Variants in NEK9 observed in about 807,000 individuals in gnomAD.
NEK9 encodes the protein NIMA related kinase 9, also known as serine/threonine-protein kinase Nek9.
NEK9 carries 75 observed loss-of-function variants against 123.4 expected under a neutral mutation model. The ratio of observed to expected loss-of-function variants is 0.61; its 90% confidence interval spans 0.50 to 0.74. The LOEUF (loss-of-function observed/expected upper bound fraction) is 0.74, where lower values mean the gene tolerates loss of function less well. Among genes scored for constraint, NEK9 ranks in the 30% least tolerant of loss-of-function variants. The probability of loss-of-function intolerance (pLI) is 0.00; values close to 1 mark genes in which losing one functional copy is unlikely to be tolerated. For missense variants in NEK9, 952 were observed against 1,214.4 expected (o/e 0.78, Z 3.21); for synonymous variants, 438 against 458.7 (o/e 0.95, Z 0.58).
Position 75,084,647 on chromosome 14 carries a change from C to G in NEK9, c.2857G>C (p.Glu953Gln), listed in dbSNP as rs1415661257. The G allele has an allele frequency of 1.2e-6, 2 of 1,614,186 alleles. No homozygotes were observed. Among genetic ancestry groups the G allele is most frequent in the South Asian group, 1.1e-5 (1 of 91,084 alleles). The change falls in exon 22 of 22, where the codon GAG becomes CAG. Residue 953 changes from glutamate to glutamine, a missense_variant. Transcript: ENST00000238616. ...TCAGGCTTTGGATCCATTTCCATCT[C>G]TTCCTTTGCTGTCTGAGTTCCTTTG... ...HSKGTQTAKE[E>Q]MEMDPKPDLD...
rs756664550 is a variant in NEK9, at chr14:75,107,504, T to C, written c.1183-17A>G. 4 of 1,559,116 alleles carry C rather than the reference T, an allele frequency of 2.6e-6. No individual in the cohort carries two copies. Among genetic ancestry groups the C allele is most frequent in the Non-Finnish European group, 3.5e-6 (4 of 1,159,064 alleles). On this transcript the variant is annotated splice_polypyrimidine_tract_variant and intron_variant, in intron 10 of 21. Transcript: ENST00000238616. ...TTGCATGTTCTGTGAAATAAAGAGG[T>C]CTTATGACTTTTTTTTTTAATTACA...
intron 17 of NEK9, among the ~76,000 whole-genome samples, chr14:75,095,905 GA>G (rs1027347625): frequency 1.3e-5 from 2 of 152,084 alleles, no homozygotes; most frequent in African/African-American, 4.8e-5. Flanking sequence ...TTAAAAAAAG[GA>G]AGTAACATTG....
chr14:75,111,019 T>C (rs931830130), intron 8 of NEK9, among the ~76,000 whole-genome samples: 3 of 152,200 alleles, frequency 2.0e-5, no homozygotes, highest in African/African-American at 7.2e-5. Flanking sequence ...ACAGTCTTAA[T>C]CATTTTACTA....
At position 75,097,241 on chromosome 14, in the gene NEK9, C is replaced by T; in HGVS notation, c.2032G>A (p.Gly678Ser). The part of the protein sequence containing the change: ...DNHIFAWGNG[G>S]NGRLAMTPTE... ...GGGGTCATTGCCAGGCGGCCATTACCACCATTGCCCCAGGCAAAAATGTGA... is the reference window on the plus strand; with the variant it reads ...GGGGTCATTGCCAGGCGGCCATTACTACCATTGCCCCAGGCAAAAATGTGA... The change falls in exon 17 of 22, where the codon GGT (glycine) becomes AGT (serine). Residue 678 changes from glycine to serine, a missense_variant. Coordinates refer to ENST00000238616, the MANE Select transcript of NEK9 (RefSeq NM_033116.6). 6.2e-7 allele frequency: 1 copy of T among 1,605,794 alleles called. No homozygotes were observed. Among genetic ancestry groups the T allele is most frequent in the Non-Finnish European group, 8.5e-7 (1 of 1,175,806 alleles).
At chr14:75,116,626 T>C in intron 6 of NEK9, 1 of 188,030 alleles carries the variant, frequency 5.3e-6, no homozygotes, top group Non-Finnish European at 1.2e-5. Flanking sequence ...TTAAATTTAA[T>C]TTAATTTTAA....
chr14:75,097,232 G>A lies in NEK9; in HGVS notation c.2041C>T (p.Arg681Cys), dbSNP rs375939813. The change falls in exon 17 of 22, where the codon CGC becomes TGC. Residue 681 changes from arginine to cysteine, a missense_variant. Arg to Cys is a radical substitution (Grantham distance 180). Coordinates refer to ENST00000238616, the MANE Select transcript of NEK9 (RefSeq NM_033116.6). The stretch of plus-strand genomic sequence containing the variant: ...CTCTCTGTGGGGGTCATTGCCAGGC[G>A]GCCATTACCACCATTGCCCCAGGCA... ...IFAWGNGGNG[R>C]LAMTPTERPH... 183 of 1,609,764 alleles carry A rather than the reference G, an allele frequency of 1.1e-4. No individual in the cohort carries two copies. The highest frequency in any genetic ancestry group is 1.5e-4 in the Non-Finnish European group (179 of 1,177,720).
At chr14:75,095,312 A>G in intron 18 of NEK9, 60 bp downstream of exon 18, 1 of 1,227,080 alleles carries the variant, frequency 8.1e-7, no homozygotes, top group Non-Finnish European at 1.2e-6. Flanking sequence ...GTCTACATGG[A>G]ATCTAACCAA....
At chr14:75,121,457 C>T (rs1260600016) in intron 2 of NEK9, among the ~76,000 whole-genome samples, 1 of 152,214 alleles carries the variant, frequency 6.6e-6, no homozygotes, top group African/African-American at 2.4e-5. Context: ...TTGTTCCCAA[C>T]AAGTGAAGTA....
At position 75,110,314 on chromosome 14, in the gene NEK9, A is replaced by G; in HGVS notation, c.989+7T>C. 1.2e-6 allele frequency: 2 copies of G among 1,609,318 alleles called. No individual in the cohort carries two copies. The highest frequency in any genetic ancestry group is 1.7e-6 in the Non-Finnish European group (2 of 1,176,156). The stretch of plus-strand genomic sequence containing the variant: ...ATATTAGTTTTTAAGAGTCTCTTGA[A>G]CATTACCTTGGTCTCTTTGTAGGTG... On this transcript the variant is annotated splice_region_variant and intron_variant, in intron 9 of 21. Coordinates refer to ENST00000238616, the MANE Select transcript of NEK9 (RefSeq NM_033116.6).
chr14:75,092,861 G>A (rs1183390396), intron 18 of NEK9, among the ~76,000 whole-genome samples: 2 of 151,764 alleles, frequency 1.3e-5, no homozygotes, highest in African/African-American at 2.4e-5. Context: ...GAGGCTAAAT[G>A]TAAAGAAGGG....
At chr14:75,097,010 T>G in intron 17 of NEK9, 90 bp downstream of exon 17, 1 of 1,311,360 alleles carries the variant, frequency 7.6e-7, no homozygotes, top group Non-Finnish European at 1.0e-6. Flanking sequence ...TTCAGGACAT[T>G]TCTGTTTCCA....
At chr14:75,093,844 G>A (rs1163619931) in intron 18 of NEK9, among the ~76,000 whole-genome samples, 1 of 152,150 alleles carries the variant, frequency 6.6e-6, no homozygotes, top group Non-Finnish European at 1.5e-5. Flanking sequence ...ATTTGGAGAT[G>A]TTCACTTTCA....
Position 75,106,670 on chromosome 14 carries a change from A to C in NEK9, c.1360T>G (p.Tyr454Asp). ...TTGTCCACCCCCATGCAGCCATAATAATCTGATCCGAAGGCATAGAGCTGA... is the reference window on the plus strand; with the variant it reads ...TTGTCCACCCCCATGCAGCCATAATCATCTGATCCGAAGGCATAGAGCTGA... Reference protein sequence around the residue: ...EGQLYAFGSDYYGCMGVDKVA... With the variant: ...EGQLYAFGSDDYGCMGVDKVA... The change falls in exon 12 of 22, where the codon TAT becomes GAT. Residue 454 changes from tyrosine to aspartate, a missense_variant. Tyr to Asp is a radical substitution (Grantham distance 160). Around this residue, in one of 4 missense-constraint regions of NEK9, gnomAD observed 698 missense variants for 875.6 expected, o/e 0.80. Coordinates refer to ENST00000238616, the MANE Select transcript of NEK9 (RefSeq NM_033116.6). The C allele has an allele frequency of 2.5e-6, 4 of 1,613,966 alleles. No homozygotes were observed. The highest frequency in any genetic ancestry group is 3.4e-6 in the Non-Finnish European group (4 of 1,180,010).
chr14:75,120,731 A>G, intron 3 of NEK9, 151 bp from the exon 4 acceptor site: 1 of 640,316 alleles, frequency 1.6e-6, no homozygotes, highest in Non-Finnish European at 2.7e-6. Context: ...TTGAGTAGGC[A>G]AAGAAAAGTG....
chr14:75,089,967 G>A (rs1481916567), intron 19 of NEK9, among the ~76,000 whole-genome samples: 14 of 152,118 alleles, frequency 9.2e-5, no homozygotes, highest in African/African-American at 3.4e-4. Flanking sequence ...AAAGTGCTGG[G>A]ATTACAGGCG....
intron 10 of NEK9, among the ~76,000 whole-genome samples, chr14:75,108,595 C>T (rs1219859983): frequency 6.6e-6 from 1 of 151,438 alleles, no homozygotes; most frequent in Non-Finnish European, 1.5e-5. Flanking sequence ...TGCTCTGTCA[C>T]TCAGGCTGCA....
chr14:75,124,660 C>T (rs1895457443), intron 1 of NEK9, among the ~76,000 whole-genome samples: 1 of 152,094 alleles, frequency 6.6e-6, no homozygotes, highest in Non-Finnish European at 1.5e-5. Context: ...TAAATTTAGA[C>T]TTCCCTAGTG....
Position 75,106,618 on chromosome 14 carries a change from G to A in NEK9, c.1412C>T (p.Pro471Leu). The change falls in exon 12 of 22, where the codon CCC becomes CTC. Residue 471 changes from proline to leucine, a missense_variant. Pro to Leu is a moderately conservative substitution (Grantham distance 98). Coordinates refer to ENST00000238616, the MANE Select transcript of NEK9 (RefSeq NM_033116.6). Reference protein sequence around the residue: ...DKVAGPEVLEPMQLNFFLSNP... With the variant: ...DKVAGPEVLELMQLNFFLSNP... ...GCTGAGGAAGAAGTTCAGCTGCATG[G>A]GTTCTAGCACTTCAGGGCCAGCAAC... is the stretch of plus-strand genomic sequence containing the variant. 6.2e-7 allele frequency: 1 copy of A among 1,614,046 alleles called. No homozygotes were observed. The highest frequency in any genetic ancestry group is 8.5e-7 in the Non-Finnish European group (1 of 1,180,026).
intron 2 of NEK9, among the ~76,000 whole-genome samples, chr14:75,122,231 A>G (rs1254624441): frequency 6.6e-6 from 1 of 151,800 alleles, no homozygotes; most frequent in East Asian, 1.9e-4. Context: ...TAACCACAAA[A>G]GAAGTTAACT....
Sources: gnomAD v4.1 joint callset for allele counts (sites outside exome capture counted in the v4.1 genomes callset) on GRCh38, gnomAD v4.1.1 for gene constraint, gnomAD v4.1.1 regional missense constraint, MANE v1.5 for transcripts, NCBI Gene and HGNC (gene_info 2026-07-23, HGNC 2026-07-21) for gene names.